Variants in KPNA1 observed in about 807,000 individuals in gnomAD.
KPNA1 encodes importin subunit alpha-5.
KPNA1 carries 10 observed loss-of-function variants against 70.5 expected under a neutral mutation model. That is an observed-to-expected ratio of 0.14 (90% confidence interval 0.09 to 0.24). The LOEUF is 0.24. Among genes scored for constraint, KPNA1 ranks in the 10% least tolerant of loss-of-function variants. KPNA1 has a pLI of 1.00. For missense variants in KPNA1, 397 were observed against 637.9 expected, an observed-to-expected ratio of 0.62 and a Z score of 4.07; for synonymous variants, 192 against 221.9, an observed-to-expected ratio of 0.87 and a Z score of 1.20.
chr3:122,440,655 G>A (rs1414723981), intron 10 of KPNA1, among the ~76,000 whole-genome samples: 1 of 152,188 alleles, frequency 6.6e-6, no homozygotes, highest in Non-Finnish European at 1.5e-5. Flanking sequence ...TCCTTCCAGA[G>A]AAATTTTATG....
intron 2 of KPNA1, 116 bp downstream of exon 2, chr3:122,496,320 AC>A: frequency 2.7e-6 from 1 of 372,902 alleles, no homozygotes; most frequent in Non-Finnish European, 4.0e-6. Context: ...GAAGGGGAAA[AC>A]ACACACACAC....
chr3:122,476,206 A>AT (rs1253767825), intron 2 of KPNA1, among the ~76,000 whole-genome samples: 2 of 152,254 alleles, frequency 1.3e-5, no homozygotes, highest in Non-Finnish European at 2.9e-5. Context: ...AGTCTCTTCA[A>AT]TAAATGGGGC....
chr3:122,457,727 T>A, intron 5 of KPNA1: 1 of 1,287,718 alleles, frequency 7.8e-7, no homozygotes, highest in Non-Finnish European at 1.0e-6. Context: ...ACTTCTGACC[T>A]CCTATCAAGT....
chr3:122,424,371 T>C lies in KPNA1; in HGVS notation c.*2614A>G, dbSNP rs1176524837. 3 of 152,176 alleles carry C rather than the reference T, an allele frequency of 2.0e-5. No homozygotes were observed. The highest frequency in any genetic ancestry group is 6.5e-5 in the Admixed American group (1 of 15,272). The allele number at this position is 152,176 out of a possible 1,614,324, so 9.4% of individuals were successfully genotyped here. A position where few individuals can be genotyped will look rare whatever the true frequency, so the allele number is the denominator to read the frequency against. On this transcript the variant is annotated 3_prime_UTR_variant, in exon 14 of 14. Coordinates refer to ENST00000344337, the MANE Select transcript of KPNA1 (RefSeq NM_002264.4). ...ATACAGTTACCCCTTAAAATGTCAT[T>C]TCTGTTACCAAAAAGCCTGCTTCAG...
intron 2 of KPNA1, among the ~76,000 whole-genome samples, chr3:122,478,154 C>T (rs1165591829): frequency 8.2e-6 from 1 of 122,630 alleles, no homozygotes; most frequent in Non-Finnish European, 1.7e-5. Context: ...GAGCGAGATG[C>T]TGTCTCAAAA....
At chr3:122,462,420 A>G (rs1445856373) in intron 4 of KPNA1, among the ~76,000 whole-genome samples, 2 of 152,208 alleles carry the variant, frequency 1.3e-5, no homozygotes, top group African/African-American at 4.8e-5. Flanking sequence ...CTTGGACTAC[A>G]TTATCAAAAT....
At position 122,424,682 on chromosome 3, in the gene KPNA1, G is replaced by A. The variant is rs752983506; in HGVS notation, c.*2303C>T. ...CTTCCTAATGTGGGGAGACAACTGTGTGCTTTGTATCTTTCCCACTCAAAT... is the reference window on the plus strand; with the variant it reads ...CTTCCTAATGTGGGGAGACAACTGTATGCTTTGTATCTTTCCCACTCAAAT... On this transcript the variant is annotated 3_prime_UTR_variant, in exon 14 of 14. Transcript: ENST00000344337. The A allele has an allele frequency of 4.6e-5, 7 of 152,580 alleles. No individual in the cohort carries two copies. The highest frequency in any genetic ancestry group is 8.8e-5 in the Non-Finnish European group (6 of 68,038). 9.5% of individuals were successfully genotyped at this position (152,580 alleles called of 1,614,324 possible).
intron 1 of KPNA1, among the ~76,000 whole-genome samples, chr3:122,497,244 T>C (rs902362637): frequency 6.6e-5 from 10 of 152,230 alleles, no homozygotes; most frequent in Admixed American, 3.9e-4. Context: ...TTCATCCATG[T>C]TGTAGCATAT....
chr3:122,487,286 T>C (rs1332990490), intron 2 of KPNA1, among the ~76,000 whole-genome samples: 1 of 152,112 alleles, frequency 6.6e-6, no homozygotes, highest in East Asian at 1.9e-4. Flanking sequence ...TCACTTATCA[T>C]TAGACAAATG....
At chr3:122,467,235 A>T (rs957856901) in intron 3 of KPNA1, 87 bp downstream of exon 3, 1 of 603,502 alleles carries the variant, frequency 1.7e-6, no homozygotes, top group South Asian at 2.3e-5. Flanking sequence ...TACTTTTTGT[A>T]GCCATCTAAC....
intron 1 of KPNA1, among the ~76,000 whole-genome samples, chr3:122,506,769 A>C (rs1341715392): frequency 6.6e-6 from 1 of 152,186 alleles, no homozygotes; most frequent in Non-Finnish European, 1.5e-5. Flanking sequence ...TTTGCCCCAA[A>C]TTCTGACCCC....
intron 2 of KPNA1, among the ~76,000 whole-genome samples, chr3:122,490,867 A>C (rs997708794): frequency 2.6e-5 from 4 of 152,172 alleles, no homozygotes; most frequent in African/African-American, 9.6e-5. Flanking sequence ...TTATTTTCTT[A>C]AACTAAAAGT....
intron 2 of KPNA1, among the ~76,000 whole-genome samples, chr3:122,488,207 G>C (rs530207960): frequency 3.9e-5 from 6 of 152,242 alleles, no homozygotes; most frequent in African/African-American, 1.2e-4. Flanking sequence ...TGCGCTCTTT[G>C]ATGATTTTTA....
chr3:122,428,082 T>C (rs2075846932), intron 12 of KPNA1, among the ~76,000 whole-genome samples: 1 of 152,238 alleles, frequency 6.6e-6, no homozygotes, highest in South Asian at 2.1e-4. Flanking sequence ...ATGACACTCT[T>C]GGTGCTAAAA....
intron 2 of KPNA1, among the ~76,000 whole-genome samples, chr3:122,469,250 A>G (rs1405220010): frequency 3.9e-5 from 6 of 152,226 alleles, no homozygotes; most frequent in Non-Finnish European, 7.4e-5. Flanking sequence ...GCCTTAAAGC[A>G]TAACAAAGAA....
chr3:122,467,090 TTA>T (rs1386089453), intron 3 of KPNA1, among the ~76,000 whole-genome samples: 2 of 145,644 alleles, frequency 1.4e-5, no homozygotes, highest in East Asian at 3.9e-4. Context: ...AAGAGTAATT[TTA>T]TCTTATAATT....
chr3:122,427,755 A>G (rs905020898), intron 12 of KPNA1, 39 bp from the exon 13 acceptor site: 4 of 1,375,306 alleles, frequency 2.9e-6, no homozygotes, highest in East Asian at 2.4e-5. Context: ...AAAACTTTTA[A>G]TTTTGTTAAA....
intron 2 of KPNA1, among the ~76,000 whole-genome samples, chr3:122,474,380 A>C (rs899825121): frequency 1.3e-5 from 2 of 152,182 alleles, no homozygotes; most frequent in African/African-American, 4.8e-5. Context: ...CAAAATAGCC[A>C]ACAAAATATT....
intron 2 of KPNA1, among the ~76,000 whole-genome samples, chr3:122,472,472 A>G (rs866927736): frequency 6.6e-6 from 1 of 152,200 alleles, no homozygotes; most frequent in Non-Finnish European, 1.5e-5. Context: ...CATTGAATGC[A>G]TTTACCAGAA....
Sources: allele counts gnomAD v4.1 joint callset (sites outside exome capture counted in the v4.1 genomes callset), GRCh38; gene constraint gnomAD v4.1.1; transcripts MANE v1.5; gene names NCBI Gene and HGNC (gene_info 2026-07-23, HGNC 2026-07-21).